The following USP42 variants were observed in gnomAD, a reference collection of about 807,000 sequenced individuals.
The protein encoded by USP42 is ubiquitin specific peptidase 42, also known as ubiquitin carboxyl-terminal hydrolase 42.
USP42 carries 23 observed loss-of-function variants against 113.0 expected under a neutral mutation model. The observed-to-expected ratio is 0.20, with a 90% CI of 0.15 to 0.29. The LOEUF is 0.29. Among genes scored for constraint, USP42 ranks in the 10% least tolerant of loss-of-function variants. USP42 has a pLI of 1.00. For synonymous variants in USP42, 933 were observed against 699.0 expected, an observed-to-expected ratio of 1.33 and a Z score of -5.28; for missense variants, 2,174 against 1,779.8, an observed-to-expected ratio of 1.22 and a Z score of -3.99.
chr7:6,118,158 A>G (rs535455058), intron 3 of USP42, among the ~76,000 whole-genome samples: 1 of 152,122 alleles, frequency 6.6e-6, no homozygotes, highest in Non-Finnish European at 1.5e-5. Flanking sequence ...CTTTGGGAGA[A>G]CGAGGCAGGT....
intron 4 of USP42, among the ~76,000 whole-genome samples, chr7:6,137,383 G>C (rs1255849838): frequency 6.6e-6 from 1 of 152,216 alleles, no homozygotes. Context: ...ATTTGAGATG[G>C]AGTCTCGCTC....
Position 6,112,758 on chromosome 7 carries a change from G to A in USP42, c.241+1384G>A, listed in dbSNP as rs1018244432. Among the ~76,000 whole-genome samples, 33 of 151,860 alleles carry A rather than the reference G, an allele frequency of 2.2e-4. No individual in the cohort carries two copies. The South Asian group carries it at 4.4e-3, about 20-fold the overall frequency. On this transcript the variant is annotated intron_variant, in intron 2 of 17. Coordinates refer to ENST00000306177, the MANE Select transcript of USP42 (RefSeq NM_032172.3). ...TTTTTTTTTAAGCTCATTAGCTGTC[G>A]TTAGTGTTAGTGTTAGTGTATTTTA...
At chr7:6,103,854 G>A (rs2128470343), upstream of USP42, among the ~76,000 whole-genome samples, 1 of 150,828 alleles carries the variant, frequency 6.6e-6, no homozygotes, top group South Asian at 2.1e-4. Context: ...AGGAATCTTA[G>A]ACCTGCCCGG....
At chr7:6,097,783 G>A in the USP42 span, among the ~76,000 whole-genome samples, 1 of 150,124 alleles carries the variant, frequency 6.7e-6, no homozygotes, top group Admixed American at 6.6e-5. Flanking sequence ...GTAGAGGCGG[G>A]GTTTTACCAT....
chr7:6,158,986 C>G lies in USP42; in HGVS notation c.3944-464C>G, dbSNP rs1562864256. ...TGTTTCCGTCCCCGTCCCACTGCAC[C>G]GATGACAGGGTTTGCAGCTGGCGCT... On this transcript the variant is annotated intron_variant, in intron 16 of 17. Coordinates refer to ENST00000306177, the MANE Select transcript of USP42 (RefSeq NM_032172.3). This position sits in a 1 kb window ranked among gnomAD's most constrained non-coding sequence, Gnocchi z 4.2. 1.3e-5 allele frequency among the ~76,000 whole-genome samples: 2 copies of G among 152,060 alleles called. No individual in the cohort carries two copies. Among genetic ancestry groups the G allele is most frequent in the African/African-American group, 4.8e-5 (2 of 41,396 alleles).
chr7:6,103,369 T>C (rs1017041828), upstream of USP42, among the ~76,000 whole-genome samples: 1 of 150,516 alleles, frequency 6.6e-6, no homozygotes, highest in Non-Finnish European at 1.5e-5. Flanking sequence ...AAACTCTGTC[T>C]CTACAAAATA....
Position 6,111,239 on chromosome 7 carries a change from G to A in USP42, c.106G>A (p.Ala36Thr). The part of the protein sequence containing the change: ...VSPGDMDAGS[A>T]SWGAVSSLND... The stretch of plus-strand genomic sequence containing the variant: ...ACCTGGAGACATGGATGCAGGTTCT[G>A]CCAGCTGGGGTGCTGTGTCTTCATT... The change falls in exon 2 of 18, where the codon GCC becomes ACC. Residue 36 changes from alanine (A) to threonine (T), a missense_variant. Ala to Thr is a moderately conservative substitution (Grantham distance 58). Coordinates refer to ENST00000306177, the MANE Select transcript of USP42 (RefSeq NM_032172.3). 6.2e-7 allele frequency: 1 copy of A among 1,608,908 alleles called. No individual in the cohort carries two copies. Among genetic ancestry groups the A allele is most frequent in the Non-Finnish European group, 8.5e-7 (1 of 1,177,434 alleles).
chr7:6,145,762 A>G (rs1175873572), intron 10 of USP42, 106 bp downstream of exon 10: 1 of 1,263,072 alleles, frequency 7.9e-7, no homozygotes, highest in Non-Finnish European at 1.1e-6. Context: ...TAAAATGTGA[A>G]TACCCGAGGT....
chr7:6,111,491 G>GC, intron 2 of USP42, 117 bp downstream of exon 2: 1 of 1,233,476 alleles, frequency 8.1e-7, no homozygotes, highest in Non-Finnish European at 1.1e-6. Flanking sequence ...TGAGTGGCCA[G>GC]CAGAGTTGTA....
Position 6,139,009 on chromosome 7 carries a change from TTATTA to T in USP42, c.554-80_554-76del. 1 of 843,566 alleles carries T rather than the reference TTATTA, an allele frequency of 1.2e-6. No individual in the cohort carries two copies. The highest frequency in any genetic ancestry group is 1.8e-6 in the Non-Finnish European group (1 of 551,094). 52.3% of individuals were successfully genotyped at this position (843,566 alleles called of 1,614,324 possible). On this transcript the variant is annotated intron_variant, in intron 4 of 17. Coordinates refer to ENST00000306177, the MANE Select transcript of USP42 (RefSeq NM_032172.3). This position sits in a 1 kb window ranked among gnomAD's most constrained non-coding sequence, Gnocchi z 4.5. The stretch of plus-strand genomic sequence containing the variant: ...ATTTGGGAGTTTTCCAACCAACATA[TTATTA>T]TAAGATATATTTTGGGGGGTACAAC...
rs758566349 is a variant in USP42 at position 6,154,150 on chromosome 7, C to T, written c.2596C>T (p.Pro866Ser). The change falls in exon 15 of 18, where the codon CCC becomes TCC. Residue 866 changes from proline to serine, a missense_variant. Transcript: ENST00000306177. ...GGCTCCGCCTGCGCGGTCGGAGGAGCCCTGCGAGCAGCCACTCCTTGTTCA... is the reference window on the plus strand; with the variant it reads ...GGCTCCGCCTGCGCGGTCGGAGGAGTCCTGCGAGCAGCCACTCCTTGTTCA... ...SPAPPARSEE[P>S]CEQPLLVHPS... The T allele has an allele frequency of 2.5e-6, 4 of 1,594,552 alleles. No individual in the cohort carries two copies. Among genetic ancestry groups the T allele is most frequent in the Non-Finnish European group, 1.7e-6 (2 of 1,171,602 alleles).
intron 1 of USP42, among the ~76,000 whole-genome samples, chr7:6,109,978 G>A (rs1256321601): frequency 6.6e-6 from 1 of 151,912 alleles, no homozygotes; most frequent in Admixed American, 6.6e-5. Flanking sequence ...TGGGATTACA[G>A]GTGTGCACCA....
At chr7:6,150,620 C>G (rs1781989244) in intron 14 of USP42, 114 bp downstream of exon 14, 1 of 930,384 alleles carries the variant, frequency 1.1e-6, no homozygotes. Context: ...ATTTTGAATC[C>G]TAGAATGATT....
At chr7:6,135,267 T>C (rs1344564046) in intron 3 of USP42, among the ~76,000 whole-genome samples, 2 of 152,210 alleles carry the variant, frequency 1.3e-5, no homozygotes, top group Non-Finnish European at 2.9e-5. Flanking sequence ...AATAACTCTT[T>C]GACATTGGGC....
intron 3 of USP42, among the ~76,000 whole-genome samples, chr7:6,134,971 G>A (rs1781051983): frequency 6.6e-6 from 1 of 151,792 alleles, no homozygotes; most frequent in African/African-American, 2.4e-5. Context: ...TTTATTTTTT[G>A]TAGAGACAGG....
chr7:6,154,727 G>C lies in USP42; in HGVS notation c.3173G>C (p.Arg1058Thr). 6.3e-7 allele frequency: 1 copy of C among 1,587,038 alleles called. No individual in the cohort carries two copies. The highest frequency in any genetic ancestry group is 8.6e-7 in the Non-Finnish European group (1 of 1,168,274). ...KFYPDRPRWD[R>T]CRYYHDRYAL... is the part of the protein sequence containing the mutation. ...TACCCCGACAGGCCGCGCTGGGACAGGTGCCGGTACTACCATGACAGGTAC... is the reference window on the plus strand; with the variant it reads ...TACCCCGACAGGCCGCGCTGGGACACGTGCCGGTACTACCATGACAGGTAC... The change falls in exon 15 of 18, where the codon AGG becomes ACG. Residue 1058 changes from arginine to threonine, a missense_variant. Transcript: ENST00000306177.
At chr7:6,087,749 A>T in the USP42 span, among the ~76,000 whole-genome samples, 7 of 150,912 alleles carry the variant, frequency 4.6e-5, no homozygotes, top group Admixed American at 3.3e-4. Context: ...TGCCTCCTTT[A>T]TTCCCTTTTA....
At chr7:6,132,959 C>T (rs1780933258) in intron 3 of USP42, among the ~76,000 whole-genome samples, 1 of 152,352 alleles carries the variant, frequency 6.6e-6, no homozygotes. Context: ...GCGTGAGCCA[C>T]TGCGCCCGGC....
At chr7:6,098,691 T>G in the USP42 span, among the ~76,000 whole-genome samples, 2 of 150,060 alleles carry the variant, frequency 1.3e-5, no homozygotes, top group South Asian at 4.2e-4. Context: ...AGCTGGGATG[T>G]GCACCACCAC....
Sources: allele counts gnomAD v4.1 joint callset (sites outside exome capture counted in the v4.1 genomes callset), GRCh38; gene constraint gnomAD v4.1.1; non-coding constraint Gnocchi (gnomAD v3.1); transcripts MANE v1.5; gene names NCBI Gene and HGNC (gene_info 2026-07-23, HGNC 2026-07-21).